The following PDS5B variants were observed in gnomAD, a reference collection of about 807,000 sequenced individuals.
PDS5B encodes sister chromatid cohesion protein PDS5 homolog B.
Under a neutral mutation model 184.1 loss-of-function variants are expected in PDS5B, and 51 were observed. The observed-to-expected ratio is 0.28, with a 90% CI of 0.22 to 0.35. The LOEUF (loss-of-function observed/expected upper bound fraction) is 0.35. Ranked by LOEUF, PDS5B falls within the 10% of genes least tolerant of loss-of-function variation. PDS5B has a pLI of 1.00. For synonymous variants in PDS5B, 566 were observed against 569.2 expected (o/e 0.99, Z 0.08); for missense variants, 1,180 against 1,723.3 (o/e 0.68, Z 5.58).
At chr13:32,768,080 A>G (rs997557294) in intron 31 of PDS5B, among the ~76,000 whole-genome samples, 6 of 152,252 alleles carry the variant, frequency 3.9e-5, no homozygotes, top group Admixed American at 3.3e-4. Flanking sequence ...CTAAAACAAT[A>G]CACAATAATG....
chr13:32,690,053 T>G (rs1186543307), intron 13 of PDS5B: 2 of 152,088 alleles, frequency 1.3e-5, no homozygotes, highest in Admixed American at 1.3e-4. Flanking sequence ...GAAAGGAAAT[T>G]AAATCTATAA....
At chr13:32,636,071 G>A (rs982303166) in intron 1 of PDS5B, among the ~76,000 whole-genome samples, 2 of 152,128 alleles carry the variant, frequency 1.3e-5, no homozygotes, top group Non-Finnish European at 2.9e-5. Context: ...TCCCGGCCTA[G>A]TATTCTGATT....
chr13:32,754,520 T>C (rs1277970784), intron 25 of PDS5B, among the ~76,000 whole-genome samples: 3 of 152,164 alleles, frequency 2.0e-5, no homozygotes, highest in Non-Finnish European at 2.9e-5. Flanking sequence ...AGGAACATGG[T>C]TGACACCTTT....
chr13:32,677,422 A>G (rs1366605041), intron 9 of PDS5B, among the ~76,000 whole-genome samples: 2 of 152,108 alleles, frequency 1.3e-5, no homozygotes, highest in Admixed American at 6.5e-5. Context: ...CCTTTCTATT[A>G]TGTTGTAATT....
chr13:32,769,821 T>C (rs1266606044), intron 31 of PDS5B, among the ~76,000 whole-genome samples: 1 of 152,200 alleles, frequency 6.6e-6, no homozygotes, highest in East Asian at 1.9e-4. Flanking sequence ...ATGCTCTTTT[T>C]AATGAGATAG....
At chr13:32,677,163 A>G (rs1357044084) in intron 9 of PDS5B, among the ~76,000 whole-genome samples, 1 of 152,064 alleles carries the variant, frequency 6.6e-6, no homozygotes, top group African/African-American at 2.4e-5. Flanking sequence ...ATTCTTATTT[A>G]GCTCAATAAT....
chr13:32,744,169 G>A (rs1953664478), intron 23 of PDS5B, among the ~76,000 whole-genome samples: 1 of 152,048 alleles, frequency 6.6e-6, no homozygotes, highest in African/African-American at 2.4e-5. Flanking sequence ...ACTTCTACGT[G>A]TCTTAGATTC....
Position 32,775,027 on chromosome 13 carries a change from G to A in PDS5B, c.4319G>A (p.Arg1440Gln). ...GACTTTCCTTTTAAGGTACGGCGGC[G>A]AAGTGCTAAAAGGGAACGGCGATGA... ...EEVSTVNVRR[R>Q]SAKRERR is the part of the protein sequence containing the mutation. The change falls in exon 35 of 35, where the codon CGA becomes CAA. Residue 1440 changes from arginine to glutamine, a missense_variant. Arg to Gln is a conservative substitution (Grantham distance 43, BLOSUM62 1). This residue lies in a region of PDS5B where 465 missense variants were observed against 497.8 expected (regional missense o/e 0.93). Transcript: ENST00000315596. 2 of 1,610,946 alleles carry A rather than the reference G, an allele frequency of 1.2e-6. No individual in the cohort carries two copies. The highest frequency in any genetic ancestry group is 1.7e-6 in the Non-Finnish European group (2 of 1,178,594).
intron 11 of PDS5B, 79 bp from the exon 12 acceptor site, chr13:32,687,055 A>G: frequency 8.6e-7 from 1 of 1,159,416 alleles, no homozygotes; most frequent in Non-Finnish European, 1.2e-6. Context: ...AGGAAAACAC[A>G]AAACTAGGAA....
At chr13:32,746,933 A>G (rs1953765086) in intron 24 of PDS5B, among the ~76,000 whole-genome samples, 1 of 152,242 alleles carries the variant, frequency 6.6e-6, no homozygotes, top group South Asian at 2.1e-4. Flanking sequence ...ATCCACAAAT[A>G]AGGAAGACTG....
chr13:32,708,734 A>G (rs769340959), intron 18 of PDS5B, among the ~76,000 whole-genome samples: 16 of 152,116 alleles, frequency 1.1e-4, no homozygotes, highest in Non-Finnish European at 2.2e-4. Context: ...TGTTTTCCCT[A>G]TGGTCATTTT....
chr13:32,669,229 G>A (rs1411611527), intron 7 of PDS5B, among the ~76,000 whole-genome samples: 1 of 151,452 alleles, frequency 6.6e-6, no homozygotes, highest in African/African-American at 2.4e-5. Flanking sequence ...AGCACACTAG[G>A]TGAGCTCCTC....
chr13:32,758,479 CAG>C (rs1279927844), intron 27 of PDS5B, 53 bp from the exon 28 acceptor site: 4 of 1,516,524 alleles, frequency 2.6e-6, no homozygotes, highest in South Asian at 1.2e-5. Context: ...TCCTAGTTTA[CAG>C]AGTCTAGATT....
intron 23 of PDS5B, among the ~76,000 whole-genome samples, chr13:32,743,294 T>A (rs954183262): frequency 1.1e-4 from 16 of 141,574 alleles, no homozygotes; most frequent in Non-Finnish European, 4.6e-5. Context: ...TTGCTTTAAC[T>A]TCTTGGTCCC....
intron 25 of PDS5B, among the ~76,000 whole-genome samples, chr13:32,754,877 G>T (rs1295833085): frequency 6.6e-6 from 1 of 152,112 alleles, no homozygotes; most frequent in Non-Finnish European, 1.5e-5. Flanking sequence ...TTATGCTTTA[G>T]TGTGAGCTCT....
intron 26 of PDS5B, 126 bp from the exon 27 acceptor site, chr13:32,757,959 CTT>C (rs550088398): frequency 7.6e-4 from 257 of 340,260 alleles, no homozygotes; most frequent in Middle Eastern, 1.5e-3. Context: ...GTAACTGTTT[CTT>C]TTTTTTTTTT....
intron 22 of PDS5B, 70 bp downstream of exon 22, chr13:32,741,218 T>A (rs1442637583): frequency 3.6e-6 from 3 of 836,740 alleles, no homozygotes; most frequent in Non-Finnish European, 5.8e-6. Context: ...GTATTAAAAT[T>A]TCTATTTCTA....
rs1486087805 is a variant in PDS5B at position 32,777,826 on chromosome 13, G to C, written c.*2774G>C. ...TGCTTTCTATATCTTCTTATAACTT[G>C]TAAGTCTGATTTTTAAGATTTCCTT... On this transcript the variant is annotated 3_prime_UTR_variant, in exon 35 of 35. Coordinates refer to ENST00000315596, the MANE Select transcript of PDS5B (RefSeq NM_015032.4). The C allele has an allele frequency of 6.6e-6, 1 of 152,296 alleles. No homozygotes were observed. Among genetic ancestry groups the C allele is most frequent in the Non-Finnish European group, 1.5e-5 (1 of 67,842 alleles). 9.4% of individuals were successfully genotyped at this position (152,296 alleles called of 1,614,324 possible).
intron 33 of PDS5B, among the ~76,000 whole-genome samples, chr13:32,772,979 A>AT (rs1954840020): frequency 6.6e-6 from 1 of 152,260 alleles, no homozygotes; most frequent in East Asian, 1.9e-4. Flanking sequence ...TCTCAGTCAC[A>AT]TTTTTTTGTT....
Sources: allele counts gnomAD v4.1 joint callset (sites outside exome capture counted in the v4.1 genomes callset), GRCh38; gene constraint gnomAD v4.1.1; regional missense constraint gnomAD v4.1.1; transcripts MANE v1.5; gene names NCBI Gene and HGNC (gene_info 2026-07-23, HGNC 2026-07-21).